The following UBE2D2 variants were observed in gnomAD, a reference collection of about 807,000 sequenced individuals.
UBE2D2 encodes the protein ubiquitin conjugating enzyme E2 D2.
UBE2D2 carries 2 observed loss-of-function variants against 24.2 expected under a neutral mutation model. The ratio of observed to expected loss-of-function variants is 0.08; its 90% CI spans 0.03 to 0.26. UBE2D2 has a LOEUF of 0.26. Ranked by LOEUF, UBE2D2 falls within the 10% of genes least tolerant of loss-of-function variation. The pLI is 1.00. For synonymous variants in UBE2D2, 58 were observed against 56.5 expected (o/e 1.03, Z -0.12); for missense variants, 44 against 177.6 (o/e 0.25, Z 4.28).
intron 1 of UBE2D2, among the ~76,000 whole-genome samples, chr5:139,544,309 CAG>C (rs1752797287): frequency 6.8e-6 from 1 of 146,030 alleles, no homozygotes; most frequent in East Asian, 2.0e-4. Context: ...TTTTTTTAGA[CAG>C]AGTTTTGCTC....
At chr5:139,577,821 A>G (rs1250781157) in intron 1 of UBE2D2, among the ~76,000 whole-genome samples, 2 of 152,090 alleles carry the variant, frequency 1.3e-5, no homozygotes, top group African/African-American at 2.4e-5. Flanking sequence ...CCCCACCACC[A>G]CATTTTCTCA....
chr5:139,565,150 T>C (rs1473169354), intron 1 of UBE2D2, among the ~76,000 whole-genome samples: 1 of 152,228 alleles, frequency 6.6e-6, no homozygotes, highest in African/African-American at 2.4e-5. Context: ...TACATCTGGG[T>C]TCTGATAAGA....
At chr5:139,596,039 G>A (rs1203109485) in intron 1 of UBE2D2, among the ~76,000 whole-genome samples, 34 of 150,180 alleles carry the variant, frequency 2.3e-4, no homozygotes, top group Admixed American at 9.3e-4. Flanking sequence ...GACTACAGGC[G>A]CGCGCCACCA....
chr5:139,584,729 C>T (rs1753688733), intron 1 of UBE2D2, among the ~76,000 whole-genome samples: 1 of 151,532 alleles, frequency 6.6e-6, no homozygotes, highest in African/African-American at 2.4e-5. Context: ...GACCGGGTTT[C>T]ACCATGTTGG....
intron 2 of UBE2D2, among the ~76,000 whole-genome samples, chr5:139,604,991 A>G (rs1388740609): frequency 6.6e-6 from 1 of 152,056 alleles, no homozygotes; most frequent in Non-Finnish European, 1.5e-5. Flanking sequence ...TATTTTTGTT[A>G]TAAGGAGTCA....
chr5:139,568,636 G>A (rs1489254631), intron 1 of UBE2D2, among the ~76,000 whole-genome samples: 4 of 151,046 alleles, frequency 2.6e-5, no homozygotes, highest in East Asian at 2.0e-4. Flanking sequence ...TAGCCTGGGC[G>A]ACAGAGCGAA....
chr5:139,578,991 G>A (rs563190766), intron 1 of UBE2D2, among the ~76,000 whole-genome samples: 32 of 151,994 alleles, frequency 2.1e-4, no homozygotes, highest in Admixed American at 1.7e-3. Context: ...TTTTTGAGAC[G>A]AAGTCTCACT....
chr5:139,599,236 A>G (rs1754020360), intron 1 of UBE2D2, among the ~76,000 whole-genome samples: 1 of 151,880 alleles, frequency 6.6e-6, no homozygotes, highest in African/African-American at 2.4e-5. Flanking sequence ...TGCCCAGCCT[A>G]AAATATATTC....
intron 1 of UBE2D2, among the ~76,000 whole-genome samples, chr5:139,568,503 CA>C (rs112595776): frequency 6.6e-6 from 1 of 151,368 alleles, no homozygotes; most frequent in African/African-American, 2.4e-5. Context: ...ACTAAAAATA[CA>C]AAAAATTAGT....
At chr5:139,587,476 T>G (rs968939218) in intron 1 of UBE2D2, among the ~76,000 whole-genome samples, 2 of 151,658 alleles carry the variant, frequency 1.3e-5, no homozygotes, top group East Asian at 3.9e-4. Flanking sequence ...GTCAGGAGAT[T>G]GAGACCATCC....
intron 2 of UBE2D2, 126 bp from the exon 3 acceptor site, chr5:139,614,460 C>T (rs1002612376): frequency 6.5e-5 from 72 of 1,099,906 alleles, no homozygotes; most frequent in Non-Finnish European, 9.2e-5. Flanking sequence ...TGTTCCTCAT[C>T]TTGCTCATAC....
chr5:139,583,719 G>A (rs1477010241), intron 1 of UBE2D2, among the ~76,000 whole-genome samples: 8 of 152,166 alleles, frequency 5.3e-5, no homozygotes, highest in Non-Finnish European at 1.2e-4. Context: ...CTGAGATCAT[G>A]CCACTGCACT....
intron 1 of UBE2D2, among the ~76,000 whole-genome samples, chr5:139,578,071 CAT>C: frequency 1.3e-5 from 2 of 152,292 alleles, no homozygotes; most frequent in East Asian, 3.9e-4. Flanking sequence ...TGTCTATTCA[CAT>C]AGACTCTTCC....
At chr5:139,586,603 A>G (rs1056443738) in intron 1 of UBE2D2, among the ~76,000 whole-genome samples, 4 of 152,130 alleles carry the variant, frequency 2.6e-5, no homozygotes, top group African/African-American at 9.7e-5. Context: ...GTCTCTACTA[A>G]AAATACAAAA....
intron 1 of UBE2D2, among the ~76,000 whole-genome samples, chr5:139,586,961 C>T (rs1233741602): frequency 6.6e-6 from 1 of 152,024 alleles, no homozygotes; most frequent in African/African-American, 2.4e-5. Context: ...GGCTGAAGTA[C>T]AGTGGCACTA....
intron 1 of UBE2D2, among the ~76,000 whole-genome samples, chr5:139,586,547 C>T (rs968227756): frequency 6.6e-6 from 1 of 152,084 alleles, no homozygotes; most frequent in Admixed American, 6.6e-5. Flanking sequence ...GGGCGGATCA[C>T]GAGGTCAGGA....
intron 1 of UBE2D2, among the ~76,000 whole-genome samples, chr5:139,586,205 T>A (rs969396922): frequency 1.1e-4 from 17 of 151,732 alleles, no homozygotes; most frequent in South Asian, 6.2e-4. Flanking sequence ...TTTTTTTTTT[T>A]AAATCTCAGA....
chr5:139,534,047 C>T (rs551465120), intron 1 of UBE2D2, among the ~76,000 whole-genome samples: 1 of 151,894 alleles, frequency 6.6e-6, no homozygotes, highest in East Asian at 2.0e-4. Flanking sequence ...TCTCAAAGTG[C>T]TGGGATTACA....
chr5:139,611,175 CTTTTTTTTTTTTT>C (rs60626896), intron 2 of UBE2D2, among the ~76,000 whole-genome samples: 4 of 58,756 alleles, frequency 6.8e-5, no homozygotes, highest in East Asian at 6.0e-4. Flanking sequence ...AGTTTTCCTT[CTTTTTTTTTTTTT>C]TTTTTTTTTT....
Sources: allele counts gnomAD v4.1 joint callset (sites outside exome capture counted in the v4.1 genomes callset), GRCh38; gene constraint gnomAD v4.1.1; transcripts MANE v1.5; gene names NCBI Gene and HGNC (gene_info 2026-07-23, HGNC 2026-07-21).